Variants in TOM1L1 observed in about 807,000 individuals in gnomAD.
TOM1L1 encodes the protein TOM1-like protein 1.
A neutral mutation model predicts 63.4 loss-of-function variants in TOM1L1; 64 were observed. The observed-to-expected ratio is 1.01, with a 90% CI of 0.83 to 1.24. The LOEUF (loss-of-function observed/expected upper bound fraction) is 1.24. TOM1L1 is among the 50% of genes most tolerant of loss of function. The pLI is 0.00. For missense variants in TOM1L1, 536 were observed against 567.0 expected (o/e 0.95, Z 0.55); for synonymous variants, 166 against 194.4 (o/e 0.85, Z 1.22).
intron 11 of TOM1L1, chr17:54,942,163 T>A (rs1442968756): frequency 6.6e-6 from 1 of 152,114 alleles, no homozygotes; most frequent in African/African-American, 2.4e-5. Context: ...GTAGTTCGAT[T>A]TTGGCCAACT....
intron 14 of TOM1L1, chr17:54,957,859 C>T (rs1460337290): frequency 6.6e-6 from 1 of 152,140 alleles, no homozygotes; most frequent in Non-Finnish European, 1.5e-5. Flanking sequence ...CTCCCTTGTC[C>T]TCACAGAGGT....
rs978403842 is a variant in TOM1L1 at position 54,939,705 on chromosome 17, C to T, written c.1130+685C>T. 7.9e-5 allele frequency among the ~76,000 whole-genome samples: 12 copies of T among 152,132 alleles called. 1 individual carries two copies. Among genetic ancestry groups the T allele is most frequent in the Admixed American group, 3.9e-4 (6 of 15,280 alleles). On this transcript the variant is annotated intron_variant, in intron 11 of 15. Transcript: ENST00000575882. ...CTTAATAGCTGGGACTACAGGTGTG[C>T]GCCACCATACTGGGCTAATCTAATT...
At chr17:54,949,161 T>A (rs2049168876) in intron 12 of TOM1L1, among the ~76,000 whole-genome samples, 1 of 151,592 alleles carries the variant, frequency 6.6e-6, no homozygotes, top group South Asian at 2.1e-4. Context: ...CCTTGGTCTC[T>A]GGGGTAGCTG....
chr17:54,941,940 G>T (rs1396670068), intron 11 of TOM1L1, among the ~76,000 whole-genome samples: 1 of 152,130 alleles, frequency 6.6e-6, no homozygotes, highest in African/African-American at 2.4e-5. Context: ...CTTGTGAGAG[G>T]CAAAATCAGC....
intron 11 of TOM1L1, among the ~76,000 whole-genome samples, chr17:54,945,255 A>C (rs550306280): frequency 1.3e-5 from 2 of 152,208 alleles, no homozygotes; most frequent in Non-Finnish European, 2.9e-5. Flanking sequence ...TGGTATCCTC[A>C]TCTTAAGATC....
chr17:54,911,672 A>C (rs886810925), intron 3 of TOM1L1, among the ~76,000 whole-genome samples: 2 of 152,164 alleles, frequency 1.3e-5, no homozygotes, highest in African/African-American at 4.8e-5. Flanking sequence ...TTGTACCCAC[A>C]TCATCTTAGT....
chr17:54,927,474 A>G (rs2048787390), intron 7 of TOM1L1, among the ~76,000 whole-genome samples: 1 of 152,228 alleles, frequency 6.6e-6, no homozygotes. Flanking sequence ...AGTAAGAGCC[A>G]TCTGGATATC....
chr17:54,910,357 G>A (rs907839485), intron 3 of TOM1L1, among the ~76,000 whole-genome samples: 1 of 152,276 alleles, frequency 6.6e-6, no homozygotes, highest in Non-Finnish European at 1.5e-5. Flanking sequence ...TTGGGAAGCC[G>A]AGGCATGAGA....
chr17:54,943,479 T>TGTGTGTGTGA (rs748237003), intron 11 of TOM1L1, among the ~76,000 whole-genome samples: 194 of 150,316 alleles, frequency 1.3e-3, no homozygotes, highest in African/African-American at 4.6e-3. Flanking sequence ...TGTGTGTGTG[T>TGTGTGTGTGA]GAAATAAAGT....
intron 6 of TOM1L1, among the ~76,000 whole-genome samples, chr17:54,915,450 C>A (rs1037371274): frequency 7.9e-5 from 12 of 152,168 alleles, no homozygotes; most frequent in African/African-American, 2.9e-4. Flanking sequence ...TGCTAGGTAC[C>A]TGGTACTTCT....
chr17:54,954,648 G>A (rs1048467961), intron 14 of TOM1L1: 5 of 152,238 alleles, frequency 3.3e-5, no homozygotes, highest in East Asian at 1.9e-4. Flanking sequence ...TAGAGTTAGA[G>A]GGCCTCACTT....
intron 14 of TOM1L1, chr17:54,957,029 T>C (rs2049546746): frequency 6.6e-6 from 1 of 152,244 alleles, no homozygotes; most frequent in African/African-American, 2.4e-5. Context: ...TGCTGAGGTC[T>C]GTCATGAACT....
intron 8 of TOM1L1, among the ~76,000 whole-genome samples, chr17:54,930,996 C>T (rs1206759147): frequency 6.6e-6 from 1 of 151,964 alleles, no homozygotes; most frequent in Non-Finnish European, 1.5e-5. Flanking sequence ...GCTATGATCG[C>T]ATCACTGCAC....
At chr17:54,903,394 C>T (rs1464598813) in intron 1 of TOM1L1, among the ~76,000 whole-genome samples, 1 of 152,240 alleles carries the variant, frequency 6.6e-6, no homozygotes, top group African/African-American at 2.4e-5. Flanking sequence ...TAGGTAGCTG[C>T]TCACTAAGCC....
intron 3 of TOM1L1, among the ~76,000 whole-genome samples, chr17:54,908,729 CAG>C (rs770234103): frequency 1.4e-4 from 22 of 152,046 alleles, no homozygotes; most frequent in Non-Finnish European, 4.4e-5. Flanking sequence ...TACTCTGAGC[CAG>C]AGAGTATTCT....
intron 7 of TOM1L1, among the ~76,000 whole-genome samples, chr17:54,923,056 T>A (rs2048709341): frequency 6.6e-6 from 1 of 152,248 alleles, no homozygotes; most frequent in Non-Finnish European, 1.5e-5. Flanking sequence ...GGTTCATCCA[T>A]GTTGTAGCAT....
intron 14 of TOM1L1, chr17:54,959,629 T>TTG (rs1219378846): frequency 6.6e-6 from 1 of 151,488 alleles, no homozygotes; most frequent in Non-Finnish European, 1.5e-5. Flanking sequence ...TTTTTTTTTT[T>TTG]TTTTTGAGAC....
intron 14 of TOM1L1, chr17:54,959,644 GTC>G (rs1226729712): frequency 7.4e-6 from 1 of 136,016 alleles, no homozygotes; most frequent in Admixed American, 7.8e-5. Flanking sequence ...TGAGACGAAA[GTC>G]TTGCTCTGTA....
At chr17:54,920,292 G>C (rs2048663258) in intron 7 of TOM1L1, among the ~76,000 whole-genome samples, 2 of 152,098 alleles carry the variant, frequency 1.3e-5, no homozygotes, top group Non-Finnish European at 2.9e-5. Flanking sequence ...TGTAAAGAAG[G>C]AATAAAAGTA....
Sources: gnomAD v4.1 joint callset for allele counts (sites outside exome capture counted in the v4.1 genomes callset) on GRCh38, gnomAD v4.1.1 for gene constraint, MANE v1.5 for transcripts, NCBI Gene and HGNC (gene_info 2026-07-23, HGNC 2026-07-21) for gene names.